Variants in CSMD3 observed in about 807,000 individuals in gnomAD.
CSMD3 encodes the protein CUB and Sushi multiple domains 3.
Under a neutral mutation model 435.2 loss-of-function variants are expected in CSMD3, and 177 were observed. The observed-to-expected ratio is 0.41, with a 90% CI of 0.36 to 0.46. The LOEUF is 0.46. Ranked by LOEUF, CSMD3 falls within the 20% of genes least tolerant of loss-of-function variation. CSMD3 has a pLI of 0.34. For missense variants in CSMD3, 4,265 were observed against 4,504.6 expected (o/e 0.95, Z 1.52); for synonymous variants, 1,656 against 1,520.5 (o/e 1.09, Z -2.07).
At chr8:113,406,983 C>T (rs1242960843) in intron 1 of CSMD3, among the ~76,000 whole-genome samples, 2 of 152,062 alleles carry the variant, frequency 1.3e-5, no homozygotes, top group Non-Finnish European at 2.9e-5. Flanking sequence ...TGGCATTAAA[C>T]ATATTTAGCA....
At chr8:112,467,456 G>T (rs1182002407) in intron 32 of CSMD3, among the ~76,000 whole-genome samples, 2 of 152,126 alleles carry the variant, frequency 1.3e-5, no homozygotes, top group South Asian at 4.1e-4. Context: ...CTGAATGTCA[G>T]TTTGCAGTCC....
At chr8:112,999,476 T>A (rs565790374) in intron 6 of CSMD3, among the ~76,000 whole-genome samples, 260 of 151,960 alleles carry the variant, frequency 1.7e-3, no homozygotes, top group African/African-American at 5.8e-3. Context: ...CGTAAGTTAG[T>A]AAACCATGTA....
At chr8:112,878,924 C>G (rs570078383) in intron 10 of CSMD3, among the ~76,000 whole-genome samples, 1 of 152,082 alleles carries the variant, frequency 6.6e-6, no homozygotes, top group East Asian at 1.9e-4. Flanking sequence ...CCGTTATCTT[C>G]GTAAGCTGAG....
At chr8:113,191,126 A>G (rs936042985) in intron 3 of CSMD3, among the ~76,000 whole-genome samples, 1 of 151,822 alleles carries the variant, frequency 6.6e-6, no homozygotes, top group Non-Finnish European at 1.5e-5. Flanking sequence ...TCTTTGTTAC[A>G]GAGAAACACC....
intron 1 of CSMD3, among the ~76,000 whole-genome samples, chr8:113,349,350 G>C (rs1407237396): frequency 6.6e-6 from 1 of 152,120 alleles, no homozygotes; most frequent in Non-Finnish European, 1.5e-5. Flanking sequence ...TACAGCAAAA[G>C]AATTGCTAGC....
At position 112,738,826 on chromosome 8, in the gene CSMD3, T is replaced by A. The variant is rs192038659; in HGVS notation, c.1973-48776A>T. 4.6e-5 allele frequency among the ~76,000 whole-genome samples: 7 copies of A among 151,888 alleles called. No individual in the cohort carries two copies. The Admixed American group carries it at 4.6e-4, about 10-fold the overall frequency. ...TTTATTTTAATGAATTTTATTTATT[T>A]TTAAGATAAAAGTCTTGTGTAGTTA... On this transcript the variant is annotated intron_variant, in intron 13 of 70. Coordinates refer to ENST00000297405, the MANE Select transcript of CSMD3 (RefSeq NM_198123.2).
At chr8:112,811,828 C>T (rs1305752568) in intron 12 of CSMD3, among the ~76,000 whole-genome samples, 1 of 152,150 alleles carries the variant, frequency 6.6e-6, no homozygotes, top group African/African-American at 2.4e-5. Context: ...TACTTGATGT[C>T]TCACTGAAAA....
rs766171665 is a variant in CSMD3, at chr8:112,320,000, T to C, written c.7166-19A>G. 1.0e-4 allele frequency: 158 copies of C among 1,550,420 alleles called. No individual in the cohort carries two copies. Among genetic ancestry groups the C allele is most frequent in the Non-Finnish European group, 1.3e-4 (148 of 1,122,386 alleles). ...TGATAGGCTACAAAAATAAACAAAG[T>C]GTTTATTCCTTTTCTGTGCAGCTAC... On this transcript the variant is annotated intron_variant, in intron 45 of 70. Transcript: ENST00000297405.
chr8:112,666,545 G>T, intron 16 of CSMD3, 130 bp from the exon 17 acceptor site: 1 of 766,070 alleles, frequency 1.3e-6, no homozygotes, highest in Non-Finnish European at 2.2e-6. Flanking sequence ...ATTTTTGAAA[G>T]CAATGGTACA....
chr8:112,833,737 A>G (rs2079945077), intron 11 of CSMD3, among the ~76,000 whole-genome samples: 1 of 151,674 alleles, frequency 6.6e-6, no homozygotes, highest in Non-Finnish European at 1.5e-5. Flanking sequence ...GTATTCATAC[A>G]TAGTTTTATA....
intron 61 of CSMD3, among the ~76,000 whole-genome samples, chr8:112,262,567 T>C (rs1252489730): frequency 1.3e-5 from 2 of 151,962 alleles, no homozygotes; most frequent in African/African-American, 2.4e-5. Flanking sequence ...GGAAGGGAAG[T>C]GTTATATGTC....
intron 3 of CSMD3, among the ~76,000 whole-genome samples, chr8:113,199,719 T>C (rs2092697896): frequency 6.6e-6 from 1 of 151,692 alleles, no homozygotes; most frequent in African/African-American, 2.4e-5. Flanking sequence ...TATTTTTATG[T>C]GAGGTGAATG....
chr8:112,315,070 T>C (rs537245091), intron 47 of CSMD3, among the ~76,000 whole-genome samples: 18 of 151,978 alleles, frequency 1.2e-4, no homozygotes, highest in Non-Finnish European at 2.1e-4. Context: ...CTGTCCTCTC[T>C]CAAAGTATTC....
At chr8:112,804,324 ATAAAT>A (rs66921717) in intron 12 of CSMD3, among the ~76,000 whole-genome samples, 35,511 of 151,796 alleles carry the variant, frequency 0.23, 4,888 homozygotes, top group Non-Finnish European at 0.32. Context: ...GAAGAAGAAA[ATAAAT>A]TAAAAAAAAA....
At chr8:112,843,768 A>G (rs963147966) in intron 11 of CSMD3, among the ~76,000 whole-genome samples, 2 of 151,946 alleles carry the variant, frequency 1.3e-5, no homozygotes, top group Admixed American at 6.6e-5. Context: ...AACAGGAAAC[A>G]TTCTTTCCCA....
At position 113,210,006 on chromosome 8, in the gene CSMD3, GTGT is replaced by G. The variant is rs1414035385; in HGVS notation, c.515-36093_515-36091del. On this transcript the variant is annotated intron_variant, in intron 3 of 70. Coordinates refer to ENST00000297405, the MANE Select transcript of CSMD3 (RefSeq NM_198123.2). ...ACCCGTTTTACTTCTCCTAAAAGGT[GTGT>G]GTGTGTGTGTGTGTGTGTGTGTGTG... Among the ~76,000 whole-genome samples, 6 of 43,226 alleles carry G rather than the reference GTGT, an allele frequency of 1.4e-4. No homozygotes were observed. The Admixed American group carries it at 2.1e-3, about 15-fold the overall frequency. The allele number at this position is 43,226 out of a possible 152,430, so 28.4% of individuals were successfully genotyped here. A position where few individuals can be genotyped will look rare whatever the true frequency, so the allele number is the denominator to read the frequency against.
At chr8:112,985,006 A>AGATAGATAGATAGAT (rs2085202103) in intron 6 of CSMD3, among the ~76,000 whole-genome samples, 1 of 151,444 alleles carries the variant, frequency 6.6e-6, no homozygotes, top group South Asian at 2.1e-4. Context: ...ATAGATAGAT[A>AGATAGATAGATAGAT]GATAGATAGA....
chr8:113,251,259 A>G (rs1352471309), intron 3 of CSMD3, among the ~76,000 whole-genome samples: 1 of 151,986 alleles, frequency 6.6e-6, no homozygotes, highest in Non-Finnish European at 1.5e-5. Flanking sequence ...AGAAACAGAG[A>G]GAAACAGTAG....
chr8:113,163,781 T>A (rs2092094330), intron 4 of CSMD3, among the ~76,000 whole-genome samples: 1 of 152,074 alleles, frequency 6.6e-6, no homozygotes, highest in South Asian at 2.1e-4. Flanking sequence ...ACATTAGGCA[T>A]GTATGATTTG....
Sources: allele counts gnomAD v4.1 joint callset (sites outside exome capture counted in the v4.1 genomes callset), GRCh38; gene constraint gnomAD v4.1.1; transcripts MANE v1.5; gene names NCBI Gene and HGNC (gene_info 2026-07-23, HGNC 2026-07-21).